ATF7: variants seen among roughly 807,000 people sequenced by gnomAD.
ATF7 encodes the protein activating transcription factor 7, also known as cyclic AMP-dependent transcription factor ATF-7.
A neutral mutation model predicts 50.4 loss-of-function variants in ATF7; 10 were observed. The ratio of observed to expected loss-of-function variants is 0.20; its 90% confidence interval spans 0.12 to 0.34. The LOEUF is 0.34. Ranked by LOEUF, ATF7 falls within the 10% of genes least tolerant of loss-of-function variation. The pLI, the probability that ATF7 is intolerant of heterozygous loss-of-function variation, is 1.00. For synonymous variants in ATF7, 201 were observed against 226.4 expected, an observed-to-expected ratio of 0.89 and a Z score of 1.01; for missense variants, 465 against 613.9, an observed-to-expected ratio of 0.76 and a Z score of 2.56.
chr12:53,623,674 G>A (rs1944491913), intron 1 of ATF7, among the ~76,000 whole-genome samples: 1 of 152,190 alleles, frequency 6.6e-6, no homozygotes, highest in African/African-American at 2.4e-5. Context: ...GACGTGGATA[G>A]GAGGCTGCTG....
At chr12:53,588,693 T>G (rs1033945123) in intron 2 of ATF7, among the ~76,000 whole-genome samples, 1 of 152,200 alleles carries the variant, frequency 6.6e-6, no homozygotes, top group Non-Finnish European at 1.5e-5. Flanking sequence ...CTGGGCCTAT[T>G]AGTAGAGGAT....
chr12:53,597,845 T>C (rs528017054), intron 2 of ATF7, among the ~76,000 whole-genome samples: 2 of 152,018 alleles, frequency 1.3e-5, no homozygotes, highest in African/African-American at 4.8e-5. Flanking sequence ...TGAGTTATAA[T>C]TGTTTTCATT....
chr12:53,547,814 A>C (rs945522952), intron 3 of ATF7, among the ~76,000 whole-genome samples: 2 of 152,010 alleles, frequency 1.3e-5, no homozygotes, highest in Admixed American at 1.3e-4. Flanking sequence ...ATTTTTAGAT[A>C]CAGGGTCTCA....
At position 53,587,843 on chromosome 12, in the gene ATF7, A is replaced by ATATATATATATATTT; in HGVS notation, c.48+13109_48+13110insAAATATATATATATA. On this transcript the variant is annotated intron_variant, in intron 2 of 11. Transcript: ENST00000420353. ...TACATATATATATATATATATATATATTTTTTTTTTTTTTTCTTTTTGACA... is the reference window on the plus strand; with the variant it reads ...TACATATATATATATATATATATATATATATATATATATTTTTTTTTTTTTTTTTTCTTTTTGACA... 1.1e-3 allele frequency among the ~76,000 whole-genome samples: 66 copies of ATATATATATATATTT among 61,540 alleles called. 1 individual carries two copies. The highest frequency in any genetic ancestry group is 1.9e-3 in the Non-Finnish European group (57 of 29,478). 40.4% of individuals were successfully genotyped at this position (61,540 alleles called of 152,430 possible).
chr12:53,532,924 G>A (rs1938993453), intron 7 of ATF7, among the ~76,000 whole-genome samples: 1 of 152,176 alleles, frequency 6.6e-6, no homozygotes, highest in South Asian at 2.1e-4. Context: ...ACTAATCAGT[G>A]GGCTGGCAAG....
rs79457783 is a variant in ATF7, at chr12:53,581,774, C to T, written c.48+19179G>A. Among the ~76,000 whole-genome samples the T allele has an allele frequency of 8.3e-3, 1,250 of 151,370 alleles. 12 individuals are homozygous for T. The highest frequency in any genetic ancestry group is 0.029 in the African/African-American group (1,188 of 41,148). The stretch of plus-strand genomic sequence containing the variant: ...TAATCTAAGCTTCCACCTTAGAAAA[C>T]TAGGGGGAAAAAGAGCAAATTAAAT... On this transcript the variant is annotated intron_variant, in intron 2 of 11. Coordinates refer to ENST00000420353, the MANE Select transcript of ATF7 (RefSeq NM_006856.3).
At chr12:53,541,603 C>T (rs879343499) in intron 4 of ATF7, among the ~76,000 whole-genome samples, 8 of 152,084 alleles carry the variant, frequency 5.3e-5, no homozygotes, top group South Asian at 2.1e-4. Context: ...AGAATCATAG[C>T]GCCTCAGGAT....
intron 1 of ATF7, among the ~76,000 whole-genome samples, chr12:53,602,914 T>TA (rs758694065): frequency 5.3e-5 from 8 of 152,216 alleles, no homozygotes; most frequent in Non-Finnish European, 1.2e-4. Flanking sequence ...GCTGAAAACT[T>TA]AGAGCATGTC....
chr12:53,543,548 GGAGA>G (rs1272568057), intron 3 of ATF7, 100 bp from the exon 4 acceptor site: 1 of 1,294,858 alleles, frequency 7.7e-7, no homozygotes, highest in Non-Finnish European at 1.0e-6. Context: ...TTTTTGATTT[GGAGA>G]GAGAGTCTTT....
intron 2 of ATF7, among the ~76,000 whole-genome samples, chr12:53,589,995 C>T (rs996705580): frequency 6.6e-6 from 1 of 152,114 alleles, no homozygotes; most frequent in South Asian, 2.1e-4. Flanking sequence ...TCTCGAACCC[C>T]TGGCTTCAAG....
At position 53,570,850 on chromosome 12, in the gene ATF7, A is replaced by G. The variant is rs562253372; in HGVS notation, c.49-18213T>C. Among the ~76,000 whole-genome samples, 271 of 152,094 alleles carry G rather than the reference A, an allele frequency of 1.8e-3. 1 individual carries two copies. The highest frequency in any genetic ancestry group is 5.1e-3 in the Admixed American group (78 of 15,238). On this transcript the variant is annotated intron_variant, in intron 2 of 11. Transcript: ENST00000420353. ...GCCCACCTTACTTCAGTATGACCTCATATTAACTAATGCCATCTGCAATGA... is the reference window on the plus strand; with the variant it reads ...GCCCACCTTACTTCAGTATGACCTCGTATTAACTAATGCCATCTGCAATGA...
chr12:53,566,437 A>G (rs1440694033), intron 2 of ATF7, among the ~76,000 whole-genome samples: 2 of 152,168 alleles, frequency 1.3e-5, no homozygotes, highest in African/African-American at 4.8e-5. Flanking sequence ...GCTGGTATTA[A>G]ACCTGTCACA....
chr12:53,530,927 A>T (rs1938833140), intron 9 of ATF7, among the ~76,000 whole-genome samples: 1 of 152,082 alleles, frequency 6.6e-6, no homozygotes, highest in Admixed American at 6.5e-5. Flanking sequence ...GAGGTATCTT[A>T]ACACTGTAAC....
chr12:53,619,480 C>A (rs113365021), intron 1 of ATF7, among the ~76,000 whole-genome samples: 1,946 of 141,472 alleles, frequency 0.014, 40 homozygotes, highest in African/African-American at 0.041. Flanking sequence ...GAGCGAGACT[C>A]CGTGTCAAAA....
chr12:53,529,503 T>C (rs1938714057), intron 9 of ATF7, among the ~76,000 whole-genome samples: 1 of 147,858 alleles, frequency 6.8e-6, no homozygotes. Context: ...GCCTGGCTAA[T>C]TTTTTTTGTA....
Position 53,532,642 on chromosome 12 carries a change from A to C in ATF7, c.661-19T>G. ...TGGCCAGCTGGATCGAGAGAAGGAAAAAAAAAAAAAGAGAAGGGAACATAA... is the reference window on the plus strand; with the variant it reads ...TGGCCAGCTGGATCGAGAGAAGGAACAAAAAAAAAAGAGAAGGGAACATAA... On this transcript the variant is annotated intron_variant, in intron 7 of 11. Coordinates refer to ENST00000420353, the MANE Select transcript of ATF7 (RefSeq NM_006856.3). The C allele has an allele frequency of 1.4e-6, 2 of 1,469,172 alleles. No homozygotes were observed. Among genetic ancestry groups the C allele is most frequent in the Non-Finnish European group, 1.8e-6 (2 of 1,082,508 alleles). 91.0% of individuals were successfully genotyped at this position (1,469,172 alleles called of 1,614,324 possible).
intron 1 of ATF7, among the ~76,000 whole-genome samples, chr12:53,605,567 G>C (rs540597097): frequency 6.6e-6 from 1 of 152,292 alleles, no homozygotes; most frequent in Non-Finnish European, 1.5e-5. Context: ...AAGAGTAAAT[G>C]AGACAGATAT....
At position 53,534,591 on chromosome 12, in the gene ATF7, A is replaced by G. The variant is rs1378762824; in HGVS notation, c.471T>C (p.Pro157=). Residue 157 remains proline, a synonymous_variant, in exon 6 of 12, where the codon CCT becomes CCC. Coordinates refer to ENST00000420353, the MANE Select transcript of ATF7 (RefSeq NM_006856.3). ...TPTIVRPGSL[P]LHLGYDPLHP... ...GAAGTGGATCATAGCCCAAGTGGAG[A>G]GGCAGGGAGCCAGGACGTACAATGG... 1 of 1,613,498 alleles carries G rather than the reference A, an allele frequency of 6.2e-7. No homozygotes were observed. Among genetic ancestry groups the G allele is most frequent in the Non-Finnish European group, 8.5e-7 (1 of 1,179,832 alleles).
At position 53,550,184 on chromosome 12, in the gene ATF7, G is replaced by A. The variant is rs184684470; in HGVS notation, c.145+2357C>T. On this transcript the variant is annotated intron_variant, in intron 3 of 11. Transcript: ENST00000420353. ...CTAAAAATACAAAAATTAGCCGATC[G>A]GTAGTGGTGCGCGCCTACAATCCCA... is the stretch of plus-strand genomic sequence containing the variant. 5.8e-3 allele frequency among the ~76,000 whole-genome samples: 876 copies of A among 151,682 alleles called. 7 individuals carry two copies. The highest frequency in any genetic ancestry group is 0.01 in the Non-Finnish European group (693 of 67,884).
Sources: allele counts gnomAD v4.1 joint callset (sites outside exome capture counted in the v4.1 genomes callset), GRCh38; gene constraint gnomAD v4.1.1; transcripts MANE v1.5; gene names NCBI Gene and HGNC (gene_info 2026-07-23, HGNC 2026-07-21).